The following RARB variants were observed in gnomAD, a reference collection of about 807,000 sequenced individuals.
The protein encoded by RARB is retinoic acid receptor beta, also known as HBV-activated protein.
Under a neutral mutation model 51.9 loss-of-function variants are expected in RARB, and 17 were observed. The observed-to-expected ratio is 0.33, with a 90% CI of 0.22 to 0.49. RARB has a LOEUF of 0.49. RARB is among the 20% of genes least tolerant of loss of function. RARB has a pLI of 0.99. For missense variants in RARB, 369 were observed against 550.8 expected, an observed-to-expected ratio of 0.67 and a Z score of 3.30; for synonymous variants, 215 against 195.4, an observed-to-expected ratio of 1.10 and a Z score of -0.84.
intron 2 of RARB, among the ~76,000 whole-genome samples, chr3:24,945,024 T>A (rs1489587467): frequency 6.6e-6 from 1 of 152,210 alleles, no homozygotes; most frequent in Non-Finnish European, 1.5e-5. Context: ...CCCTTCCAGT[T>A]GGGAACATTC....
At chr3:25,463,721 T>G (rs1695301118) in intron 2 of RARB, among the ~76,000 whole-genome samples, 2 of 152,130 alleles carry the variant, frequency 1.3e-5, no homozygotes. Context: ...AAAGTAATTT[T>G]GTGAGTTTTT....
intron 2 of RARB, among the ~76,000 whole-genome samples, chr3:25,482,947 A>G (rs2125583600): frequency 6.6e-6 from 1 of 152,320 alleles, no homozygotes; most frequent in African/African-American, 2.4e-5. Flanking sequence ...AACTATTGAA[A>G]TATTTTTACA....
At chr3:25,566,430 C>T (rs1255680528) in intron 3 of RARB, among the ~76,000 whole-genome samples, 5 of 152,136 alleles carry the variant, frequency 3.3e-5, no homozygotes, top group African/African-American at 1.2e-4. Flanking sequence ...CACACTGCTC[C>T]CCTTCGAGTG....
chr3:25,501,409 C>G, intron 3 of RARB, 86 bp downstream of exon 3: 2 of 1,493,564 alleles, frequency 1.3e-6, no homozygotes, highest in African/African-American at 1.4e-5. Flanking sequence ...AATTCACACA[C>G]GACACTAACG....
chr3:25,018,090 T>A (rs1202663198), intron 2 of RARB, among the ~76,000 whole-genome samples: 6 of 152,214 alleles, frequency 3.9e-5, no homozygotes, highest in African/African-American at 1.4e-4. Context: ...GGTATTTTGT[T>A]ATTGCAACCC....
chr3:25,211,488 G>T (rs947591742), intron 5 of RARB, among the ~76,000 whole-genome samples: 1 of 152,162 alleles, frequency 6.6e-6, no homozygotes, highest in African/African-American at 2.4e-5. Flanking sequence ...TAGTCCTGTG[G>T]AAATTTATTA....
intron 5 of RARB, among the ~76,000 whole-genome samples, chr3:25,397,305 T>C (rs1200657696): frequency 3.3e-5 from 5 of 151,642 alleles, no homozygotes; most frequent in African/African-American, 1.2e-4. Context: ...TCCCATGATC[T>C]GGATTTTCAG....
chr3:25,390,969 T>G (rs1023095360), intron 5 of RARB, among the ~76,000 whole-genome samples: 2 of 152,080 alleles, frequency 1.3e-5, no homozygotes, highest in Non-Finnish European at 2.9e-5. Context: ...TTCTTAGTGG[T>G]GATTTCCGAG....
intron 3 of RARB, among the ~76,000 whole-genome samples, chr3:25,097,459 T>C (rs1049188298): frequency 4.6e-5 from 7 of 152,152 alleles, no homozygotes; most frequent in African/African-American, 1.7e-4. Context: ...TATTTTCATA[T>C]AGAATGTTAG....
At chr3:25,332,742 G>T (rs1309410583) in intron 5 of RARB, among the ~76,000 whole-genome samples, 1 of 152,172 alleles carries the variant, frequency 6.6e-6, no homozygotes, top group South Asian at 2.1e-4. Context: ...AATTGTCCCT[G>T]TTTGCAGATG....
intron 5 of RARB, among the ~76,000 whole-genome samples, chr3:25,235,196 T>A (rs1157185058): frequency 2.6e-5 from 4 of 152,136 alleles, no homozygotes; most frequent in African/African-American, 9.7e-5. Flanking sequence ...CTGCCTGCAG[T>A]TGTTTACTTT....
intron 5 of RARB, among the ~76,000 whole-genome samples, chr3:25,257,828 C>T (rs937146461): frequency 6.6e-6 from 1 of 152,072 alleles, no homozygotes; most frequent in African/African-American, 2.4e-5. Context: ...GTTACCTAGT[C>T]CTTTAAAACA....
intron 2 of RARB, among the ~76,000 whole-genome samples, chr3:24,961,279 G>A (rs1028843457): frequency 3.3e-5 from 5 of 152,182 alleles, no homozygotes; most frequent in African/African-American, 1.2e-4. Flanking sequence ...TAGTTATACG[G>A]TAGTTCTAAT....
At chr3:25,475,405 G>T (rs542305708) in intron 2 of RARB, among the ~76,000 whole-genome samples, 2 of 152,044 alleles carry the variant, frequency 1.3e-5, no homozygotes, top group East Asian at 1.9e-4. Flanking sequence ...TAACAAAGGG[G>T]GGGGGATCCC....
intron 3 of RARB, among the ~76,000 whole-genome samples, chr3:25,083,492 C>T (rs575902903): frequency 3.3e-5 from 5 of 151,934 alleles, no homozygotes; most frequent in Non-Finnish European, 5.9e-5. Flanking sequence ...TCATTTGGCT[C>T]TCTTATAGTT....
At chr3:24,991,588 G>A (rs1382461525) in intron 2 of RARB, among the ~76,000 whole-genome samples, 2 of 152,014 alleles carry the variant, frequency 1.3e-5, no homozygotes, top group Admixed American at 6.6e-5. Context: ...CGGCATCCTT[G>A]TAGTTAGTTT....
rs916455853 is a variant in RARB, at chr3:25,324,601, G to A, written c.179-136592G>A. On this transcript the variant is annotated intron_variant, in intron 5 of 11. Coordinates refer to the RARB transcript ENST00000383772. ...TGCTACGCGGAAGTCAAGAACGACCGCACCTTTGCAGAGAAGCTGGGAGGC... is the reference window on the plus strand; with the variant it reads ...TGCTACGCGGAAGTCAAGAACGACCACACCTTTGCAGAGAAGCTGGGAGGC... 5 of 169,664 alleles carry A rather than the reference G, an allele frequency of 2.9e-5. No individual in the cohort carries two copies. The South Asian group carries it at 6.8e-4, about 23-fold the overall frequency. The allele number at this position is 169,664 out of a possible 1,614,324, so 10.5% of individuals were successfully genotyped here.
chr3:25,567,489 T>G (rs1309359338), intron 3 of RARB, among the ~76,000 whole-genome samples: 1 of 152,154 alleles, frequency 6.6e-6, no homozygotes, highest in Non-Finnish European at 1.5e-5. Flanking sequence ...TTCATTCCTT[T>G]CTATGACAAA....
In RARB at chr3:25,594,521, C is replaced by T; in HGVS notation, c.993C>T (p.Asp331=). ...TAATACTTTATTCCTGGTATCCAGA[C>T]CGCCAGGACCTTGAGGAACCGACAA... is the stretch of plus-strand genomic sequence containing the variant. ...LLSAICLICG[D]RQDLEEPTKV... The change falls in exon 7 of 8, where the codon GAC becomes GAT. Residue 331 remains aspartate, a splice_region_variant and synonymous_variant. Coordinates refer to ENST00000330688, the MANE Select transcript of RARB (RefSeq NM_000965.5). 1 of 1,602,658 alleles carries T rather than the reference C, an allele frequency of 6.2e-7. No individual in the cohort carries two copies. Among genetic ancestry groups the T allele is most frequent in the Non-Finnish European group, 8.5e-7 (1 of 1,176,298 alleles).
Sources: gnomAD v4.1 joint callset for allele counts (sites outside exome capture counted in the v4.1 genomes callset) on GRCh38, gnomAD v4.1.1 for gene constraint, MANE v1.5 for transcripts, NCBI Gene and HGNC (gene_info 2026-07-23, HGNC 2026-07-21) for gene names.